KCP: variants seen among roughly 807,000 people sequenced by gnomAD.
The protein encoded by KCP is kielin/chordin-like protein.
In KCP, 194 loss-of-function variants were observed where a neutral mutation model predicts 212.7. The observed-to-expected ratio is 0.91, with a 90% CI of 0.81 to 1.03. KCP has a LOEUF of 1.03. Ranked by LOEUF, KCP falls within the 50% of genes least tolerant of loss-of-function variation. The pLI is 0.00. For synonymous variants in KCP, 833 were observed against 865.3 expected (o/e 0.96, Z 0.65); for missense variants, 2,080 against 2,162.5 (o/e 0.96, Z 0.76).
intron 8 of KCP, among the ~76,000 whole-genome samples, chr7:128,901,462 T>C (rs1437565667): frequency 6.6e-6 from 1 of 151,930 alleles, no homozygotes; most frequent in East Asian, 1.9e-4. Context: ...CTGTCTCTAC[T>C]AAAAATACAA....
rs992481657 is a variant in KCP, at chr7:128,884,053, G to A, written c.3193C>T (p.Pro1065Ser). Residue 1065 changes from proline (P) to serine (S), a missense_variant, in exon 29 of 40, where the codon CCC (proline) becomes TCC (serine). Coordinates refer to ENST00000610776, the MANE Select transcript of KCP (RefSeq NM_001366122.1). ...GGCCCAGGGGGCAGGAGCTGGCTGG[G>A]GGGGCAGCCCACCAGGCTGGGACAC... ...RQCPSLVGCP[P>S]SQLLPPGPQH... The A allele has an allele frequency of 1.3e-6, 2 of 1,546,192 alleles. No individual in the cohort carries two copies. The highest frequency in any genetic ancestry group is 8.7e-7 in the Non-Finnish European group (1 of 1,145,462).
chr7:128,890,474 C>G lies in KCP; in HGVS notation c.2204G>C (p.Arg735Pro). The change falls in exon 21 of 40, where the codon CGC becomes CCC. Residue 735 changes from arginine (R) to proline (P), a missense_variant. Coordinates refer to ENST00000610776, the MANE Select transcript of KCP (RefSeq NM_001366122.1). The part of the protein sequence containing the change: ...YQGKEFASGE[R>P]FPSPTAACHL... Reference sequence around the variant, plus strand: ...GCAGGCAGCAGTGGGCGATGGGAAGCGCTCCCCGCTGGCAAACTCCTTCCC... The same window carrying G: ...GCAGGCAGCAGTGGGCGATGGGAAGGGCTCCCCGCTGGCAAACTCCTTCCC... 1 of 1,550,526 alleles carries G rather than the reference C, an allele frequency of 6.4e-7. No homozygotes were observed.
intron 8 of KCP, among the ~76,000 whole-genome samples, chr7:128,900,630 G>A (rs771927132): frequency 2.0e-5 from 3 of 152,164 alleles, no homozygotes; most frequent in Non-Finnish European, 2.9e-5. Context: ...CTTACTCAAC[G>A]TTTTCTTAAA....
At position 128,884,124 on chromosome 7, in the gene KCP, T is replaced by C; in HGVS notation, c.3124-2A>G. On this transcript the variant is annotated splice_acceptor_variant, in intron 28 of 39. Transcript: ENST00000610776. LOFTEE classifies it high-confidence loss of function. ...GCTGGGAGGCCCCTCAGGCTGTGGC[T>C]ACAAGAATGAGTGAGCAGCGGTGGG... 1 of 1,542,658 alleles carries C rather than the reference T, an allele frequency of 6.5e-7. No individual in the cohort carries two copies.
At position 128,888,852 on chromosome 7, in the gene KCP, T is replaced by G. The variant is rs1585214685; in HGVS notation, c.2512+11A>C. 1 of 1,546,686 alleles carries G rather than the reference T, an allele frequency of 6.5e-7. No homozygotes were observed. ...CCAGCAGGGGGAATGGAAGGGCAGGTGTGGCTCTACCCTGGCAGGTCGGGC... is the reference window on the plus strand; with the variant it reads ...CCAGCAGGGGGAATGGAAGGGCAGGGGTGGCTCTACCCTGGCAGGTCGGGC... On this transcript the variant is annotated intron_variant, in intron 22 of 39. Coordinates refer to ENST00000610776, the MANE Select transcript of KCP (RefSeq NM_001366122.1).
rs565507696 is a variant in KCP, at chr7:128,895,551, T to A, written c.832-1258A>T. On this transcript the variant is annotated intron_variant, in intron 8 of 39. Coordinates refer to ENST00000610776, the MANE Select transcript of KCP (RefSeq NM_001366122.1). ...GCGTTTGAACCAAAGCAACTCCATC[T>A]TGAATAGGGGCTAGGTAAAATGAGG... Among the ~76,000 whole-genome samples, 8 of 152,222 alleles carry A rather than the reference T, an allele frequency of 5.3e-5. No individual in the cohort carries two copies. The South Asian group carries it at 1.0e-3, about 20-fold the overall frequency.
Position 128,884,980 on chromosome 7 carries a change from A to G in KCP, c.3040+117T>C, listed in dbSNP as rs1050359883. 6.7e-6 allele frequency: 10 copies of G among 1,496,340 alleles called. No individual in the cohort carries two copies. In the Admixed American group the frequency reaches 2.0e-4, roughly 29 times the overall value. 92.7% of individuals were successfully genotyped at this position (1,496,340 alleles called of 1,614,324 possible). ...GATCCCAGGGAGTGGAGTGTGCACAAGGACGGAGGCCACTTCTCCAACTGC... is the reference window on the plus strand; with the variant it reads ...GATCCCAGGGAGTGGAGTGTGCACAGGGACGGAGGCCACTTCTCCAACTGC... On this transcript the variant is annotated intron_variant, in intron 27 of 39. Coordinates refer to ENST00000610776, the MANE Select transcript of KCP (RefSeq NM_001366122.1).
chr7:128,903,127 A>C, intron 7 of KCP: 1 of 512,832 alleles, frequency 1.9e-6, no homozygotes, highest in African/African-American at 1.9e-5. Flanking sequence ...GCCCCTCGTC[A>C]CCTCTCACAC....
chr7:128,888,350 A>G (rs1563030652), intron 22 of KCP, among the ~76,000 whole-genome samples: 1 of 77,898 alleles, frequency 1.3e-5, no homozygotes, highest in Non-Finnish European at 2.3e-5. Flanking sequence ...ACACACACAT[A>G]CACAGATACA....
chr7:128,893,135 G>T, intron 13 of KCP, 103 bp downstream of exon 13: 1 of 1,218,674 alleles, frequency 8.2e-7, no homozygotes, highest in Non-Finnish European at 1.2e-6. Flanking sequence ...AGAATGGCTA[G>T]TGGACTTAGC....
chr7:128,885,656 C>T (rs947088204), intron 26 of KCP, among the ~76,000 whole-genome samples: 2 of 152,202 alleles, frequency 1.3e-5, no homozygotes, highest in African/African-American at 4.8e-5. Flanking sequence ...CCTCAGTCTC[C>T]TCATCTGTTA....
At chr7:128,887,166 G>C (rs374091269) in intron 23 of KCP, 49 bp downstream of exon 23, 112 of 1,465,122 alleles carry the variant, frequency 7.6e-5, no homozygotes, top group Non-Finnish European at 1.0e-4. Flanking sequence ...GGCCAGAGAG[G>C]AGTATCAAGG....
chr7:128,910,112 G>A (rs1001306233), intron 1 of KCP, among the ~76,000 whole-genome samples: 1 of 152,234 alleles, frequency 6.6e-6, no homozygotes, highest in Non-Finnish European at 1.5e-5. Context: ...GGCCAGCCTC[G>A]CCTGGAGAGA....
At chr7:128,900,685 CAG>C (rs1221988806) in intron 8 of KCP, among the ~76,000 whole-genome samples, 1 of 152,206 alleles carries the variant, frequency 6.6e-6, no homozygotes, top group African/African-American at 2.4e-5. Context: ...TGTTGGAACT[CAG>C]AGTTATGAAT....
Position 128,893,464 on chromosome 7 carries a change from T to C in KCP, c.1112A>G (p.Gln371Arg). 1.3e-6 allele frequency: 2 copies of C among 1,551,086 alleles called. No homozygotes were observed. The highest frequency in any genetic ancestry group is 1.7e-6 in the Non-Finnish European group (2 of 1,146,546). The change falls in exon 12 of 40, where the codon CAG becomes CGG. Residue 371 changes from glutamine (Q) to arginine (R), a missense_variant. Coordinates refer to ENST00000610776, the MANE Select transcript of KCP (RefSeq NM_001366122.1). ...CTCCTGGCTCTGATACTGGTGTCCC[T>C]GGTACTCACAGCCTGGATGGGATGA... ...CCPVCDGCEYQGHQYQSQETF... is the reference protein window; with the variant it reads ...CCPVCDGCEYRGHQYQSQETF...
At chr7:128,880,154 A>G (rs1793239332) in intron 34 of KCP, 69 bp from the exon 35 acceptor site, 1 of 1,440,422 alleles carries the variant, frequency 6.9e-7, no homozygotes, top group Non-Finnish European at 9.2e-7. Flanking sequence ...ACCCTCCCAG[A>G]AAACCAAGCA....
chr7:128,885,364 G>A (rs1462631070), intron 26 of KCP, 94 bp from the exon 27 acceptor site: 8 of 1,306,868 alleles, frequency 6.1e-6, no homozygotes, highest in East Asian at 2.5e-5. Context: ...GGCACGTGGC[G>A]CCAGGAGTGA....
intron 39 of KCP, 66 bp downstream of exon 39, chr7:128,877,418 C>T: frequency 6.5e-7 from 1 of 1,535,690 alleles, no homozygotes; most frequent in Non-Finnish European, 8.8e-7. Context: ...TGCCCTGAGC[C>T]CTCCGGGCTG....
intron 11 of KCP, 111 bp from the exon 12 acceptor site, chr7:128,893,587 C>A: frequency 9.9e-7 from 1 of 1,010,238 alleles, no homozygotes; most frequent in South Asian, 1.5e-5. Flanking sequence ...CAGCCGAGTT[C>A]TCCAGGGCGC....
Sources: gnomAD v4.1 joint callset for allele counts (sites outside exome capture counted in the v4.1 genomes callset) on GRCh38, gnomAD v4.1.1 for gene constraint, MANE v1.5 for transcripts, NCBI Gene and HGNC (gene_info 2026-07-23, HGNC 2026-07-21) for gene names.